The following PTPRD variants were observed in gnomAD, a reference collection of about 807,000 sequenced individuals.
PTPRD encodes the protein protein tyrosine phosphatase receptor type D, also known as receptor-type tyrosine-protein phosphatase delta.
Under a neutral mutation model 214.5 loss-of-function variants are expected in PTPRD, and 34 were observed. The ratio of observed to expected loss-of-function variants is 0.16; its 90% CI spans 0.12 to 0.21. PTPRD has a LOEUF of 0.21. PTPRD is among the 10% of genes least tolerant of loss of function. The probability of loss-of-function intolerance (pLI) is 1.00; values close to 1 mark genes in which losing one functional copy is unlikely to be tolerated. For missense variants in PTPRD, 2,545 were observed against 2,398.7 expected (o/e 1.06, Z -1.27); for synonymous variants, 1,128 against 845.7 (o/e 1.33, Z -5.79).
At chr9:8,554,409 G>A (rs984030843) in intron 14 of PTPRD, among the ~76,000 whole-genome samples, 1 of 151,984 alleles carries the variant, frequency 6.6e-6, no homozygotes, top group Non-Finnish European at 1.5e-5. Flanking sequence ...TAAAAAGTAG[G>A]GAAAAAGTCC....
chr9:9,804,338 T>G (rs974951231), intron 5 of PTPRD, among the ~76,000 whole-genome samples: 1 of 152,092 alleles, frequency 6.6e-6, no homozygotes, highest in Non-Finnish European at 1.5e-5. Context: ...GCTGGAAATA[T>G]GGATCCAGCC....
intron 8 of PTPRD, among the ~76,000 whole-genome samples, chr9:9,504,450 T>C (rs1267465475): frequency 6.6e-6 from 1 of 151,540 alleles, no homozygotes; most frequent in East Asian, 1.9e-4. Context: ...TTAAGCCATA[T>C]CCCCAACACA....
chr9:9,301,061 C>A (rs1321174599), intron 9 of PTPRD, among the ~76,000 whole-genome samples: 2 of 151,728 alleles, frequency 1.3e-5, no homozygotes, highest in East Asian at 3.9e-4. Flanking sequence ...ACAAAGCAGG[C>A]ACTCAATAAA....
chr9:8,502,235 A>G (rs1473085875), intron 23 of PTPRD, among the ~76,000 whole-genome samples: 3 of 152,176 alleles, frequency 2.0e-5, no homozygotes, highest in Admixed American at 6.5e-5. Flanking sequence ...ATGTTCCTAA[A>G]GAAAAACAAA....
intron 9 of PTPRD, among the ~76,000 whole-genome samples, chr9:9,357,609 T>C (rs2054302187): frequency 6.6e-6 from 1 of 150,910 alleles, no homozygotes; most frequent in Admixed American, 6.6e-5. Context: ...AGGTAGCAAG[T>C]GAATGAGGGA....
chr9:9,613,121 A>T, intron 7 of PTPRD, among the ~76,000 whole-genome samples: 1 of 47,356 alleles, frequency 2.1e-5, no homozygotes, highest in African/African-American at 8.0e-5. Context: ...GCTAGGCTGC[A>T]GTATACATAC....
intron 9 of PTPRD, among the ~76,000 whole-genome samples, chr9:9,279,823 T>C (rs1334286731): frequency 6.6e-6 from 1 of 151,278 alleles, no homozygotes; most frequent in Non-Finnish European, 1.5e-5. Context: ...TGTCCAACTT[T>C]TTTATTTTAA....
chr9:9,648,548 A>G (rs2096254805), intron 7 of PTPRD, among the ~76,000 whole-genome samples: 1 of 152,244 alleles, frequency 6.6e-6, no homozygotes, highest in South Asian at 2.1e-4. Flanking sequence ...TTTCAATTAG[A>G]TATTTGATGA....
intron 3 of PTPRD, among the ~76,000 whole-genome samples, chr9:10,234,884 T>G (rs1043879880): frequency 6.6e-6 from 1 of 151,878 alleles, no homozygotes; most frequent in Non-Finnish European, 1.5e-5. Context: ...GCAATTCTTC[T>G]TATATATTAC....
chr9:10,238,654 A>C (rs1187571701), intron 3 of PTPRD, among the ~76,000 whole-genome samples: 1 of 151,956 alleles, frequency 6.6e-6, no homozygotes. Flanking sequence ...ACCTATATTC[A>C]TGGGATTAAT....
chr9:8,504,889 CA>C (rs1381568924), intron 22 of PTPRD, among the ~76,000 whole-genome samples: 2 of 152,156 alleles, frequency 1.3e-5, no homozygotes, highest in Non-Finnish European at 2.9e-5. Context: ...GAAGTAGCAA[CA>C]GTAACCAGTA....
chr9:10,337,437 T>C (rs1597420749), intron 3 of PTPRD, among the ~76,000 whole-genome samples: 1 of 151,842 alleles, frequency 6.6e-6, no homozygotes, highest in Middle Eastern at 3.4e-3. Context: ...TGCATCTGAA[T>C]AGGAAATTTA....
At chr9:9,386,112 G>A (rs1341421340) in intron 9 of PTPRD, among the ~76,000 whole-genome samples, 2 of 152,136 alleles carry the variant, frequency 1.3e-5, no homozygotes, top group Non-Finnish European at 2.9e-5. Flanking sequence ...AAGCTTAGGT[G>A]AAATTGTATT....
At chr9:8,439,432 A>G (rs1052915812) in intron 34 of PTPRD, among the ~76,000 whole-genome samples, 1 of 152,214 alleles carries the variant, frequency 6.6e-6, no homozygotes, top group African/African-American at 2.4e-5. Context: ...AAGTTATCGT[A>G]CCTTTTCTTT....
chr9:9,472,540 C>A (rs1356007658), intron 8 of PTPRD, among the ~76,000 whole-genome samples: 2 of 152,154 alleles, frequency 1.3e-5, no homozygotes, highest in Non-Finnish European at 2.9e-5. Context: ...ATCTCACATA[C>A]TTGAGGGAAC....
chr9:10,162,247 C>A (rs2154289857), intron 3 of PTPRD, among the ~76,000 whole-genome samples: 1 of 151,626 alleles, frequency 6.6e-6, no homozygotes, highest in Middle Eastern at 3.4e-3. Context: ...GTACATTCCT[C>A]ATTTACTGTA....
Position 8,338,970 on chromosome 9 carries a change from G to A in PTPRD, c.5331C>T (p.Tyr1777=), listed in dbSNP as rs368730784. 3.5e-5 allele frequency: 56 copies of A among 1,612,192 alleles called. No homozygotes were observed. The highest frequency in any genetic ancestry group is 4.5e-5 in the East Asian group (2 of 44,846). The stretch of plus-strand genomic sequence containing the variant: ...CCCTTAGGATATACTGTGGCATGTT[G>A]TACTCAGCCATGGGATCTACAACAA... ...QYFVVDPMAE[Y]NMPQYILREF... is the part of the protein sequence containing the mutation. The change falls in exon 43 of 46, where the codon TAC becomes TAT. Residue 1777 remains tyrosine (Y), a synonymous_variant. Coordinates refer to ENST00000381196, the MANE Select transcript of PTPRD (RefSeq NM_002839.4).
At chr9:8,779,814 GTTTTTTTTT>G (rs369478924) in intron 11 of PTPRD, among the ~76,000 whole-genome samples, 2 of 128,448 alleles carry the variant, frequency 1.6e-5, no homozygotes, top group African/African-American at 5.7e-5. Context: ...TGTTTTGTTG[GTTTTTTTTT>G]TTTTTTTTTT....
intron 27 of PTPRD, among the ~76,000 whole-genome samples, chr9:8,486,894 G>C (rs1388169687): frequency 3.3e-5 from 5 of 151,966 alleles, no homozygotes; most frequent in African/African-American, 1.2e-4. Context: ...AACTTTCCAA[G>C]GCTAGCATGT....
Sources: gnomAD v4.1 joint callset for allele counts (sites outside exome capture counted in the v4.1 genomes callset) on GRCh38, gnomAD v4.1.1 for gene constraint, MANE v1.5 for transcripts, NCBI Gene and HGNC (gene_info 2026-07-23, HGNC 2026-07-21) for gene names.